MAP3K5: variants seen among roughly 807,000 people sequenced by gnomAD.
MAP3K5 encodes the protein mitogen-activated protein kinase kinase kinase 5.
A neutral mutation model predicts 158.7 loss-of-function variants in MAP3K5; 56 were observed. The ratio of observed to expected loss-of-function variants is 0.35; its 90% CI spans 0.28 to 0.44. The LOEUF (loss-of-function observed/expected upper bound fraction) is 0.44. Ranked by LOEUF, MAP3K5 falls within the 20% of genes least tolerant of loss-of-function variation. MAP3K5 has a pLI of 1.00. For synonymous variants in MAP3K5, 579 were observed against 601.7 expected, an observed-to-expected ratio of 0.96 and a Z score of 0.55; for missense variants, 1,294 against 1,674.8, an observed-to-expected ratio of 0.77 and a Z score of 3.97.
intron 14 of MAP3K5, among the ~76,000 whole-genome samples, chr6:136,626,375 A>G (rs1032260967): frequency 1.3e-5 from 2 of 152,186 alleles, no homozygotes; most frequent in Admixed American, 1.3e-4. Flanking sequence ...GGCACATTAG[A>G]GAATAGCCCT....
intron 28 of MAP3K5, among the ~76,000 whole-genome samples, chr6:136,560,148 T>C (rs1054974503): frequency 6.6e-6 from 1 of 152,232 alleles, no homozygotes; most frequent in Non-Finnish European, 1.5e-5. Context: ...TGTGTGTTCA[T>C]ATAATGAACA....
At chr6:136,616,300 C>CTTTT (rs537263288) in intron 15 of MAP3K5, among the ~76,000 whole-genome samples, 5 of 122,670 alleles carry the variant, frequency 4.1e-5, no homozygotes, top group Admixed American at 8.7e-5. Context: ...ACCTGCTCCT[C>CTTTT]TTTTTTTTTT....
chr6:136,768,834 A>C, intron 1 of MAP3K5, among the ~76,000 whole-genome samples: 1 of 151,714 alleles, frequency 6.6e-6, no homozygotes, highest in East Asian at 1.9e-4. Flanking sequence ...AATCGCTTGA[A>C]CCCAGGAGAC....
chr6:136,793,036 G>C (rs910442565), upstream of MAP3K5, among the ~76,000 whole-genome samples: 2 of 152,170 alleles, frequency 1.3e-5, no homozygotes, highest in African/African-American at 4.8e-5. Flanking sequence ...CACCTACGAA[G>C]ACCTGGAGCG....
Position 136,737,033 on chromosome 6 carries a change from G to GTATATATATATATATATATATA in MAP3K5, c.449-16445_449-16444insTATATATATATATATATATATA, listed in dbSNP as rs796790486. On this transcript the variant is annotated intron_variant, in intron 1 of 29. Coordinates refer to ENST00000359015, the MANE Select transcript of MAP3K5 (RefSeq NM_005923.4). ...AAATTAATTTTACATATATATATGT[G>GTATATATATATATATATATATA]TGTGTATATATATATATATATATAA... Among the ~76,000 whole-genome samples, 243 of 111,898 alleles carry GTATATATATATATATATATATA rather than the reference G, an allele frequency of 2.2e-3. 4 individuals carry two copies. The highest frequency in any genetic ancestry group is 5.7e-3 in the South Asian group (23 of 4,016). The allele number at this position is 111,898 out of a possible 152,430, so 73.4% of individuals were successfully genotyped here.
At chr6:136,701,860 C>A (rs1266489065) in intron 3 of MAP3K5, among the ~76,000 whole-genome samples, 1 of 152,100 alleles carries the variant, frequency 6.6e-6, no homozygotes, top group Admixed American at 6.5e-5. Flanking sequence ...AATTATGTAG[C>A]CTCAGAAACC....
At chr6:136,783,373 T>C (rs1443340877) in intron 1 of MAP3K5, among the ~76,000 whole-genome samples, 1 of 152,116 alleles carries the variant, frequency 6.6e-6, no homozygotes, top group Non-Finnish European at 1.5e-5. Context: ...TTATTTCCCT[T>C]TTATGCCACT....
chr6:136,572,922 T>C (rs1046941236), intron 25 of MAP3K5, among the ~76,000 whole-genome samples: 2 of 152,196 alleles, frequency 1.3e-5, no homozygotes. Flanking sequence ...AAATATAACA[T>C]GAAATTATAA....
chr6:136,780,574 A>G (rs1011391974), intron 1 of MAP3K5, among the ~76,000 whole-genome samples: 1 of 152,234 alleles, frequency 6.6e-6, no homozygotes, highest in African/African-American at 2.4e-5. Flanking sequence ...AGAACATTGT[A>G]ATGTGGCGCT....
At chr6:136,558,163 G>C (rs1830335723) in intron 29 of MAP3K5, among the ~76,000 whole-genome samples, 1 of 152,198 alleles carries the variant, frequency 6.6e-6, no homozygotes, top group Non-Finnish European at 1.5e-5. Flanking sequence ...CAGATCACGT[G>C]GTCAGGAGAT....
intron 2 of MAP3K5, among the ~76,000 whole-genome samples, chr6:136,720,027 A>G (rs1781684468): frequency 6.6e-6 from 1 of 152,172 alleles, no homozygotes; most frequent in African/African-American, 2.4e-5. Flanking sequence ...GTGAAAGAGG[A>G]AGGCAACTAT....
intron 19 of MAP3K5, among the ~76,000 whole-genome samples, chr6:136,602,387 C>T (rs986744636): frequency 8.5e-5 from 13 of 152,112 alleles, no homozygotes; most frequent in African/African-American, 2.4e-4. Flanking sequence ...ACTGCAGTCT[C>T]GACCTCCCAG....
intron 21 of MAP3K5, among the ~76,000 whole-genome samples, chr6:136,596,739 C>T (rs2129083461): frequency 6.6e-6 from 1 of 152,270 alleles, no homozygotes; most frequent in Middle Eastern, 3.4e-3. Flanking sequence ...AGACAGTTTG[C>T]TTTATACGTT....
intron 7 of MAP3K5, among the ~76,000 whole-genome samples, chr6:136,672,195 G>C (rs1779511434): frequency 6.6e-6 from 1 of 152,096 alleles, no homozygotes; most frequent in Admixed American, 6.6e-5. Context: ...GTAAGATGTA[G>C]TCGTCTACTT....
At chr6:136,626,759 A>T (rs918534066) in intron 14 of MAP3K5, among the ~76,000 whole-genome samples, 13 of 151,620 alleles carry the variant, frequency 8.6e-5, no homozygotes, top group African/African-American at 3.2e-4. Flanking sequence ...TTTACACTAC[A>T]ATGCTTTATA....
chr6:136,749,718 C>T (rs993177232), intron 1 of MAP3K5, among the ~76,000 whole-genome samples: 2 of 151,978 alleles, frequency 1.3e-5, no homozygotes, highest in Non-Finnish European at 2.9e-5. Context: ...AACTTTCAGG[C>T]AGGGGGCAAG....
In MAP3K5 at chr6:136,636,990, G is replaced by GA. The variant is rs1392836795; in HGVS notation, c.2016+334dup. On this transcript the variant is annotated intron_variant, in intron 14 of 29. Transcript: ENST00000359015. ...GGTGCTATCAACCAGAATCTTCAGT[G>GA]AATCTTCTTTGTCTGAATTGCACAT... 1.1e-5 allele frequency: 12 copies of GA among 1,055,924 alleles called. No homozygotes were observed. In the Admixed American group the frequency reaches 1.6e-4, roughly 14 times the overall value. 65.4% of individuals were successfully genotyped at this position (1,055,924 alleles called of 1,614,324 possible). A position where few individuals can be genotyped will look rare whatever the true frequency, so the allele number is the denominator to read the frequency against.
intron 1 of MAP3K5, among the ~76,000 whole-genome samples, chr6:136,741,078 C>A (rs562167299): frequency 6.6e-6 from 1 of 152,180 alleles, no homozygotes; most frequent in East Asian, 1.9e-4. Context: ...CGATATAGAC[C>A]ATGACAGTAG....
rs560864855 is a variant in MAP3K5 at position 136,777,131 on chromosome 6, G to A, written c.448+14579C>T. Reference sequence around the variant, plus strand: ...AAGAAAAGTCAAGCCAACTATTCTTGTCATAACTCATGTGCAAGCTACAAC... The same window carrying A: ...AAGAAAAGTCAAGCCAACTATTCTTATCATAACTCATGTGCAAGCTACAAC... On this transcript the variant is annotated intron_variant, in intron 1 of 29. Coordinates refer to ENST00000359015, the MANE Select transcript of MAP3K5 (RefSeq NM_005923.4). Among the ~76,000 whole-genome samples the A allele has an allele frequency of 5.3e-5, 8 of 152,302 alleles. No homozygotes were observed. The South Asian group carries it at 1.7e-3, about 32-fold the overall frequency.
Sources: allele counts gnomAD v4.1 joint callset (sites outside exome capture counted in the v4.1 genomes callset), GRCh38; gene constraint gnomAD v4.1.1; transcripts MANE v1.5; gene names NCBI Gene and HGNC (gene_info 2026-07-23, HGNC 2026-07-21).